The following ZKSCAN5 variants were observed in gnomAD, a reference collection of about 807,000 sequenced individuals.
ZKSCAN5 encodes the protein zinc finger with KRAB and SCAN domains 5.
In ZKSCAN5, 28 loss-of-function variants were observed where a neutral mutation model predicts 60.0. That is an observed-to-expected ratio of 0.47 (90% CI 0.35 to 0.64). ZKSCAN5 has a LOEUF of 0.64. Ranked by LOEUF, ZKSCAN5 falls within the 30% of genes least tolerant of loss-of-function variation. ZKSCAN5 has a pLI of 0.01. For missense variants in ZKSCAN5, 881 were observed against 1,034.6 expected, an observed-to-expected ratio of 0.85 and a Z score of 2.04; for synonymous variants, 361 against 371.2, an observed-to-expected ratio of 0.97 and a Z score of 0.31.
At chr7:99,507,281 G>T (rs1800779602) in intron 2 of ZKSCAN5, among the ~76,000 whole-genome samples, 1 of 151,874 alleles carries the variant, frequency 6.6e-6, no homozygotes, top group African/African-American at 2.4e-5. Flanking sequence ...CTCTGAAATT[G>T]CATTGTATTA....
chr7:99,526,812 C>T (rs1801816098), intron 6 of ZKSCAN5, among the ~76,000 whole-genome samples: 1 of 152,194 alleles, frequency 6.6e-6, no homozygotes, highest in South Asian at 2.1e-4. Context: ...GCCTTGGCCT[C>T]CCAAAGTGCT....
chr7:99,520,017 C>G (rs1562909764), intron 4 of ZKSCAN5, 108 bp downstream of exon 4: 1 of 1,495,384 alleles, frequency 6.7e-7, no homozygotes, highest in Non-Finnish European at 9.2e-7. Context: ...TACCTTCATT[C>G]CTTTGGCCTT....
chr7:99,505,210 G>GT (rs1212387426), intron 1 of ZKSCAN5: 4 of 151,816 alleles, frequency 2.6e-5, no homozygotes, highest in African/African-American at 7.3e-5. Flanking sequence ...CTTTCGGGGG[G>GT]GGGTGGGATC....
At chr7:99,519,266 G>T (rs367911598) in intron 3 of ZKSCAN5, among the ~76,000 whole-genome samples, 1 of 140,098 alleles carries the variant, frequency 7.1e-6, no homozygotes, top group Non-Finnish European at 1.5e-5. Context: ...GAGCCACCAC[G>T]CCCAGTATTT....
At position 99,533,054 on chromosome 7, in the gene ZKSCAN5, G is replaced by C. The variant is rs1214938852; in HGVS notation, c.*805G>C. On this transcript the variant is annotated 3_prime_UTR_variant, in exon 7 of 7. Coordinates refer to ENST00000326775, the MANE Select transcript of ZKSCAN5 (RefSeq NM_145102.4). ...GAGAAGACAGGCAAAGTTGTGGACT[G>C]TTTGATCTTGTATTACCCACAGGAA... The C allele has an allele frequency of 3.7e-6, 1 of 272,690 alleles. No homozygotes were observed. The highest frequency in any genetic ancestry group is 2.2e-5 in the African/African-American group (1 of 46,172). 16.9% of individuals were successfully genotyped at this position (272,690 alleles called of 1,614,324 possible).
chr7:99,505,929 C>A, intron 1 of ZKSCAN5, 76 bp from the exon 2 acceptor site: 1 of 1,241,428 alleles, frequency 8.1e-7, no homozygotes, highest in Non-Finnish European at 1.1e-6. Flanking sequence ...TAATGATGCC[C>A]AATACATCAG....
chr7:99,532,875 C>T lies in ZKSCAN5; in HGVS notation c.*626C>T, dbSNP rs916360407. 4 of 160,886 alleles carry T rather than the reference C, an allele frequency of 2.5e-5. No individual in the cohort carries two copies. The highest frequency in any genetic ancestry group is 9.6e-5 in the African/African-American group (4 of 41,860). 10.0% of individuals were successfully genotyped at this position (160,886 alleles called of 1,614,324 possible). On this transcript the variant is annotated 3_prime_UTR_variant, in exon 7 of 7. Coordinates refer to ENST00000326775, the MANE Select transcript of ZKSCAN5 (RefSeq NM_145102.4). ...GTTTCTGCTGCCTTATTCAATCCACCACTTCTCTGTGAAACACTCTACCTT... is the reference window on the plus strand; with the variant it reads ...GTTTCTGCTGCCTTATTCAATCCACTACTTCTCTGTGAAACACTCTACCTT...
chr7:99,515,417 A>AG (rs1226958483), intron 3 of ZKSCAN5, among the ~76,000 whole-genome samples: 2 of 151,932 alleles, frequency 1.3e-5, no homozygotes, highest in Non-Finnish European at 2.9e-5. Context: ...AAAAAAAAAA[A>AG]CAAAAACTGC....
intron 2 of ZKSCAN5, among the ~76,000 whole-genome samples, chr7:99,506,898 G>T (rs1305893939): frequency 1.4e-5 from 2 of 142,800 alleles, no homozygotes; most frequent in African/African-American, 5.3e-5. Context: ...GGGTTTCACC[G>T]TGTTAGCCAG....
intron 2 of ZKSCAN5, among the ~76,000 whole-genome samples, chr7:99,511,838 A>G (rs1801044594): frequency 6.6e-6 from 1 of 151,282 alleles, no homozygotes; most frequent in Admixed American, 6.6e-5. Context: ...CACCCAGGCT[A>G]GAGTGCAGTG....
intron 6 of ZKSCAN5, 102 bp from the exon 7 acceptor site, chr7:99,531,006 G>A (rs1012807891): frequency 1.8e-5 from 19 of 1,085,466 alleles, no homozygotes; most frequent in South Asian, 3.2e-5. Context: ...GCAGTGAGCC[G>A]AGATCGCATC....
At chr7:99,518,701 A>C (rs1215939316) in intron 3 of ZKSCAN5, among the ~76,000 whole-genome samples, 2 of 66,726 alleles carry the variant, frequency 3.0e-5, no homozygotes, top group Non-Finnish European at 5.3e-5. Context: ...TTTGAGAGGG[A>C]GTCTTGCTCT....
chr7:99,507,540 T>C (rs1337609680), intron 2 of ZKSCAN5, among the ~76,000 whole-genome samples: 3 of 144,010 alleles, frequency 2.1e-5, no homozygotes, highest in Non-Finnish European at 4.5e-5. Context: ...TGTATATATA[T>C]ATGTATATAT....
At chr7:99,522,669 T>A (rs1801590533) in intron 5 of ZKSCAN5, among the ~76,000 whole-genome samples, 1 of 151,678 alleles carries the variant, frequency 6.6e-6, no homozygotes, top group Non-Finnish European at 1.5e-5. Flanking sequence ...CTGTTTTTAG[T>A]AGAGATGAGG....
chr7:99,529,942 G>C lies in ZKSCAN5; in HGVS notation c.1379-1166G>C, dbSNP rs980024658. Among the ~76,000 whole-genome samples the C allele has an allele frequency of 2.7e-5, 4 of 150,890 alleles. 1 individual carries two copies. Among genetic ancestry groups the C allele is most frequent in the African/African-American group, 7.3e-5 (3 of 40,898 alleles). On this transcript the variant is annotated intron_variant, in intron 6 of 6. Coordinates refer to ENST00000326775, the MANE Select transcript of ZKSCAN5 (RefSeq NM_145102.4). ...GTAGAGATGGGGTTTCACTGTCTTGGTCAGGCTGGTCTTGAATTCCTGACC... is the reference window on the plus strand; with the variant it reads ...GTAGAGATGGGGTTTCACTGTCTTGCTCAGGCTGGTCTTGAATTCCTGACC...
chr7:99,528,128 T>C (rs536007252), intron 6 of ZKSCAN5, among the ~76,000 whole-genome samples: 32 of 151,606 alleles, frequency 2.1e-4, no homozygotes, highest in African/African-American at 7.2e-4. Flanking sequence ...TCTTTTTTTT[T>C]TTTTTTTTTT....
intron 3 of ZKSCAN5, among the ~76,000 whole-genome samples, chr7:99,514,355 T>C (rs867901874): frequency 3.9e-5 from 6 of 152,188 alleles, no homozygotes; most frequent in African/African-American, 1.4e-4. Flanking sequence ...TTCTGTGTCA[T>C]CTACTGAGTT....
chr7:99,521,165 A>T (rs1447890867), intron 5 of ZKSCAN5, among the ~76,000 whole-genome samples: 1 of 152,148 alleles, frequency 6.6e-6, no homozygotes, highest in Non-Finnish European at 1.5e-5. Flanking sequence ...AAGACTTCAG[A>T]TGCAAACATA....
chr7:99,533,207 A>C lies in ZKSCAN5; in HGVS notation c.*958A>C. 1.5e-6 allele frequency: 1 copy of C among 652,304 alleles called. No individual in the cohort carries two copies. The highest frequency in any genetic ancestry group is 2.8e-6 in the Non-Finnish European group (1 of 353,228). The allele number at this position is 652,304 out of a possible 1,614,324, so 40.4% of individuals were successfully genotyped here. A position where few individuals can be genotyped will look rare whatever the true frequency, so the allele number is the denominator to read the frequency against. On this transcript the variant is annotated 3_prime_UTR_variant, in exon 7 of 7. Transcript: ENST00000326775. ...CTCCTGTAGAGTGGTGATATACAGA[A>C]TGAGTTTCAGTTTGCATTGCAGCTG...
Sources: allele counts gnomAD v4.1 joint callset (sites outside exome capture counted in the v4.1 genomes callset), GRCh38; gene constraint gnomAD v4.1.1; transcripts MANE v1.5; gene names NCBI Gene and HGNC (gene_info 2026-07-23, HGNC 2026-07-21).